Variants in ERC1 observed in about 807,000 individuals in gnomAD.
The protein encoded by ERC1 is ELKS/RAB6-interacting/CAST family member 1, also known as RAB6 interacting protein 2.
Under a neutral mutation model 132.0 loss-of-function variants are expected in ERC1, and 56 were observed. The observed-to-expected ratio is 0.42, with a 90% CI of 0.34 to 0.53. The LOEUF is 0.53. Ranked by LOEUF, ERC1 falls within the 20% of genes least tolerant of loss-of-function variation. The probability of loss-of-function intolerance (pLI) is 0.03; values close to 1 mark genes in which losing one functional copy is unlikely to be tolerated. For missense variants in ERC1, 1,202 were observed against 1,349.9 expected, an observed-to-expected ratio of 0.89 and a Z score of 1.72; for synonymous variants, 478 against 476.1, an observed-to-expected ratio of 1.00 and a Z score of -0.05.
chr12:1,305,505 C>T (rs1184833285), intron 15 of ERC1, among the ~76,000 whole-genome samples: 1 of 152,164 alleles, frequency 6.6e-6, no homozygotes, highest in Non-Finnish European at 1.5e-5. Context: ...CCTACCGCTC[C>T]CTCGCCCCAC....
intron 12 of ERC1, among the ~76,000 whole-genome samples, chr12:1,216,685 A>C (rs946316503): frequency 6.6e-6 from 1 of 152,026 alleles, no homozygotes; most frequent in Non-Finnish European, 1.5e-5. Flanking sequence ...GGAAGAGTGA[A>C]ACAAGTTAAT....
intron 15 of ERC1, among the ~76,000 whole-genome samples, chr12:1,326,398 T>G (rs2082446500): frequency 6.6e-6 from 1 of 152,212 alleles, no homozygotes; most frequent in Non-Finnish European, 1.5e-5. Flanking sequence ...GAATCTACAG[T>G]GCCGAAGGCA....
At chr12:1,035,517 GA>G (rs1968887860) in intron 2 of ERC1, among the ~76,000 whole-genome samples, 1 of 152,158 alleles carries the variant, frequency 6.6e-6, no homozygotes, top group Admixed American at 6.5e-5. Flanking sequence ...ATGTAACAGG[GA>G]AGGCTTTTTC....
At chr12:1,456,822 C>T (rs1162192847) in intron 18 of ERC1, among the ~76,000 whole-genome samples, 3 of 151,852 alleles carry the variant, frequency 2.0e-5, no homozygotes, top group African/African-American at 7.3e-5. Flanking sequence ...GGGTGGGGCC[C>T]TCAGAATCAC....
At chr12:1,111,704 C>T (rs754341666) in intron 5 of ERC1, among the ~76,000 whole-genome samples, 2 of 151,448 alleles carry the variant, frequency 1.3e-5, no homozygotes, top group Admixed American at 6.6e-5. Flanking sequence ...CTGCAGCCTC[C>T]GTCTCCAGGG....
intron 6 of ERC1, among the ~76,000 whole-genome samples, chr12:1,114,134 C>T (rs1358640236): frequency 1.3e-5 from 2 of 152,132 alleles, no homozygotes; most frequent in Non-Finnish European, 1.5e-5. Context: ...AGCGATTCTC[C>T]TGCCTCAGCC....
intron 15 of ERC1, among the ~76,000 whole-genome samples, chr12:1,297,707 C>T (rs1328769006): frequency 7.0e-6 from 1 of 143,324 alleles, no homozygotes; most frequent in Non-Finnish European, 1.5e-5. Context: ...ACTCTGTCCC[C>T]CTGCCAAAAA....
chr12:1,170,654 A>G (rs960459649), intron 8 of ERC1, among the ~76,000 whole-genome samples: 2 of 152,216 alleles, frequency 1.3e-5, no homozygotes, highest in Non-Finnish European at 2.9e-5. Context: ...GCTATTTTCC[A>G]TAATTATCTA....
At chr12:1,247,081 G>C (rs1306564473) in intron 13 of ERC1, among the ~76,000 whole-genome samples, 1 of 140,556 alleles carries the variant, frequency 7.1e-6, no homozygotes, top group Non-Finnish European at 1.5e-5. Flanking sequence ...GTGAGCCCAG[G>C]AGTTTGAGGT....
intron 17 of ERC1, among the ~76,000 whole-genome samples, chr12:1,420,603 C>T (rs1334073064): frequency 6.6e-6 from 1 of 152,094 alleles, no homozygotes; most frequent in African/African-American, 2.4e-5. Context: ...CTACAGGCAC[C>T]TGCCACCACG....
At chr12:1,293,290 A>G (rs1382061220) in intron 15 of ERC1, among the ~76,000 whole-genome samples, 3 of 151,052 alleles carry the variant, frequency 2.0e-5, no homozygotes, top group Admixed American at 6.6e-5. Context: ...CGTCTCTACT[A>G]AAAATACAAA....
intron 12 of ERC1, among the ~76,000 whole-genome samples, chr12:1,194,522 G>A (rs1956040200): frequency 6.6e-6 from 1 of 152,166 alleles, no homozygotes; most frequent in South Asian, 2.1e-4. Context: ...CACTCACGCT[G>A]TCCATCTTAG....
intron 15 of ERC1, among the ~76,000 whole-genome samples, chr12:1,312,392 T>C (rs1020328244): frequency 2.0e-5 from 3 of 152,092 alleles, no homozygotes; most frequent in Non-Finnish European, 2.9e-5. Flanking sequence ...ATTTTTTTTT[T>C]CCTCTGTCAC....
chr12:1,096,107 T>C (rs1182690835), intron 3 of ERC1, among the ~76,000 whole-genome samples: 1 of 152,120 alleles, frequency 6.6e-6, no homozygotes, highest in African/African-American at 2.4e-5. Context: ...TATGTGTTTT[T>C]CATAGAGATG....
intron 7 of ERC1, among the ~76,000 whole-genome samples, chr12:1,127,908 C>G (rs909845840): frequency 2.0e-5 from 3 of 152,110 alleles, no homozygotes; most frequent in African/African-American, 7.2e-5. Context: ...AAGCCAAGAC[C>G]TCCGCATAAA....
intron 15 of ERC1, among the ~76,000 whole-genome samples, chr12:1,333,378 G>T (rs36018681): frequency 0.062 from 8,933 of 144,776 alleles, 360 homozygotes; most frequent in East Asian, 0.12. Context: ...CTGTCGCCAG[G>T]CTGGAGTGCA....
intron 12 of ERC1, among the ~76,000 whole-genome samples, chr12:1,219,278 A>G (rs1178731677): frequency 1.3e-5 from 2 of 152,134 alleles, no homozygotes; most frequent in East Asian, 3.9e-4. Flanking sequence ...TACCTACACA[A>G]TGTCTTTAGT....
chr12:1,005,964 T>C (rs1218167894), intron 1 of ERC1, among the ~76,000 whole-genome samples: 1 of 150,676 alleles, frequency 6.6e-6, no homozygotes, highest in Non-Finnish European at 1.5e-5. Flanking sequence ...CTTATTACTT[T>C]TTTTTTTTTT....
intron 11 of ERC1, among the ~76,000 whole-genome samples, chr12:1,187,102 G>T (rs767990473): frequency 6.6e-5 from 10 of 152,140 alleles, no homozygotes; most frequent in Non-Finnish European, 8.8e-5. Context: ...AAGTGATGGG[G>T]TGACAGGCGT....
Sources: allele counts gnomAD v4.1 joint callset (sites outside exome capture counted in the v4.1 genomes callset), GRCh38; gene constraint gnomAD v4.1.1; transcripts MANE v1.5; gene names NCBI Gene and HGNC (gene_info 2026-07-23, HGNC 2026-07-21).